TNNI3K: variants seen among roughly 807,000 people sequenced by gnomAD.
TNNI3K encodes the protein TNNI3 interacting kinase, also known as serine/threonine-protein kinase TNNI3K.
TNNI3K carries 140 observed loss-of-function variants against 114.5 expected under a neutral mutation model. The observed-to-expected ratio is 1.22, with a 90% CI of 1.07 to 1.41. The LOEUF (loss-of-function observed/expected upper bound fraction) is 1.41, where lower values mean the gene tolerates loss of function less well. Ranked by LOEUF, TNNI3K falls within the 40% of genes most tolerant of loss-of-function variation. The pLI, the probability that TNNI3K is intolerant of heterozygous loss-of-function variation, is 0.00. For missense variants in TNNI3K, 1,125 were observed against 1,007.6 expected (o/e 1.12, Z -1.58); for synonymous variants, 347 against 347.5 (o/e 1.00, Z 0.02).
intron 4 of TNNI3K, among the ~76,000 whole-genome samples, chr1:74,253,458 G>C (rs557539218): frequency 6.6e-6 from 1 of 152,172 alleles, no homozygotes; most frequent in East Asian, 1.9e-4. Flanking sequence ...GCTCAGGCAT[G>C]GCGGGCTGCA....
intron 5 of TNNI3K, among the ~76,000 whole-genome samples, chr1:74,272,083 T>G (rs759787467): frequency 1.3e-5 from 2 of 151,962 alleles, no homozygotes; most frequent in Non-Finnish European, 2.9e-5. Flanking sequence ...ATAATTTATA[T>G]AAATCACTTT....
chr1:74,362,968 A>G (rs1662049708), intron 11 of TNNI3K, among the ~76,000 whole-genome samples: 1 of 152,144 alleles, frequency 6.6e-6, no homozygotes, highest in Non-Finnish European at 1.5e-5. Context: ...TTAGAGTTGC[A>G]TTAGGCTAAT....
chr1:74,505,119 A>T (rs1669827716), intron 23 of TNNI3K, among the ~76,000 whole-genome samples: 1 of 152,036 alleles, frequency 6.6e-6, no homozygotes, highest in South Asian at 2.1e-4. Flanking sequence ...GCCCGGGCCC[A>T]CTCTTAAGCA....
At position 74,369,390 on chromosome 1, in the gene TNNI3K, G is replaced by A. The variant is rs753473031; in HGVS notation, c.1473-1G>A. ...AGATTTTCTGTTGCTGCCATTTCCA[G>A]TTATCGAGCCAATACCTACTGCTCC... On this transcript the variant is annotated splice_acceptor_variant, in intron 15 of 24. Coordinates refer to ENST00000326637, the MANE Select transcript of TNNI3K (RefSeq NM_015978.3). LOFTEE classifies it high-confidence loss of function. 6.2e-7 allele frequency: 1 copy of A among 1,607,366 alleles called. No individual in the cohort carries two copies. Among genetic ancestry groups the A allele is most frequent in the Non-Finnish European group, 8.5e-7 (1 of 1,176,780 alleles).
At position 74,473,493 on chromosome 1, in the gene TNNI3K, G is replaced by A. The variant is rs145148647; in HGVS notation, c.2121+9943G>A. Among the ~76,000 whole-genome samples the A allele has an allele frequency of 5.5e-3, 824 of 150,904 alleles. 8 individuals are homozygous for A. Among genetic ancestry groups the A allele is most frequent in the African/African-American group, 0.019 (792 of 41,110 alleles). ...ATCTTAACTGCAAAACATCTTAACC[G>A]CAAAAAATCCTAACAGCACTATTGC... On this transcript the variant is annotated intron_variant, in intron 21 of 24. Transcript: ENST00000326637.
intron 21 of TNNI3K, among the ~76,000 whole-genome samples, chr1:74,487,717 G>A (rs1322569571): frequency 6.6e-6 from 1 of 152,152 alleles, no homozygotes; most frequent in Non-Finnish European, 1.5e-5. Context: ...TGGGTAGGTA[G>A]GTAGAAAGAA....
chr1:74,281,334 A>ATGTGTGTGTG (rs149830701), intron 5 of TNNI3K, among the ~76,000 whole-genome samples: 23,996 of 147,872 alleles, frequency 0.16, 2,052 homozygotes, highest in South Asian at 0.25. Context: ...ACAATAATAG[A>ATGTGTGTGTG]TGTGTGTGTG....
intron 17 of TNNI3K, among the ~76,000 whole-genome samples, chr1:74,416,032 G>A (rs1665100588): frequency 6.6e-6 from 1 of 152,126 alleles, no homozygotes; most frequent in Non-Finnish European, 1.5e-5. Flanking sequence ...CCCAGTCTGA[G>A]ACTGATCCCA....
At chr1:74,412,925 A>G (rs1306810587) in intron 17 of TNNI3K, among the ~76,000 whole-genome samples, 1 of 152,126 alleles carries the variant, frequency 6.6e-6, no homozygotes, top group African/African-American at 2.4e-5. Context: ...ATCACATTCA[A>G]TCTTAATCCC....
intron 4 of TNNI3K, among the ~76,000 whole-genome samples, chr1:74,253,664 C>G (rs1655096185): frequency 6.6e-6 from 1 of 152,124 alleles, no homozygotes; most frequent in Admixed American, 6.5e-5. Context: ...CACGCCCACG[C>G]CCACCCAGAA....
In TNNI3K at chr1:74,354,129, G is replaced by A; in HGVS notation, c.1177G>A (p.Gly393Arg). 6.2e-7 allele frequency: 1 copy of A among 1,613,780 alleles called. No homozygotes were observed. Residue 393 changes from glycine (G) to arginine (R), a missense_variant and splice_region_variant, in exon 11 of 25, where the codon GGG becomes AGG. Coordinates refer to ENST00000326637, the MANE Select transcript of TNNI3K (RefSeq NM_015978.3). ...ATGTTTGATGTGGGCTTATGAAAAA[G>A]GTATATTTTTAATCATCGTGTCTCT... ...QTCLMWAYEK[G>R]HDAIVTLLKH...
intron 17 of TNNI3K, among the ~76,000 whole-genome samples, chr1:74,409,084 A>C (rs923426487): frequency 2.6e-5 from 4 of 152,186 alleles, no homozygotes; most frequent in Non-Finnish European, 5.9e-5. Context: ...GCAATTTATA[A>C]ATACTTTTCT....
chr1:74,440,169 A>T (rs1666313874), intron 20 of TNNI3K, among the ~76,000 whole-genome samples: 1 of 152,074 alleles, frequency 6.6e-6, no homozygotes, highest in Non-Finnish European at 1.5e-5. Context: ...GATACACATT[A>T]TGCTTTGCTC....
intron 21 of TNNI3K, chr1:74,475,569 A>G: frequency 2.8e-6 from 2 of 717,228 alleles, no homozygotes; most frequent in Non-Finnish European, 5.2e-6. Flanking sequence ...CTTGATGGCT[A>G]TTTTCCTGTA....
chr1:74,256,864 TAA>T (rs942813149), intron 4 of TNNI3K, among the ~76,000 whole-genome samples: 2 of 152,134 alleles, frequency 1.3e-5, no homozygotes, highest in African/African-American at 4.8e-5. Context: ...AAGAAATTAA[TAA>T]GAGAGAAAAT....
chr1:74,537,192 A>C (rs1557635303), intron 23 of TNNI3K, among the ~76,000 whole-genome samples: 1 of 152,212 alleles, frequency 6.6e-6, no homozygotes, highest in Admixed American at 6.5e-5. Flanking sequence ...TTGGTGATAA[A>C]ATATTTATTT....
chr1:74,354,004 G>T lies in TNNI3K; in HGVS notation c.1052G>T (p.Gly351Val), dbSNP rs1270943695. Reference sequence around the variant, plus strand: ...GGATTACACTCTGCTTGCTACCACGGTCACATTCGCCTGGTTCAGTTCTTA... The same window carrying T: ...GGATTACACTCTGCTTGCTACCACGTTCACATTCGCCTGGTTCAGTTCTTA... ...HTGLHSACYH[G>V]HIRLVQFLLD... The change falls in exon 11 of 25, where the codon GGT becomes GTT. Residue 351 changes from glycine to valine, a missense_variant. By Grantham distance (109) the Gly-to-Val change is moderately radical. Transcript: ENST00000326637. 1.7e-5 allele frequency: 28 copies of T among 1,613,630 alleles called. No individual in the cohort carries two copies. The highest frequency in any genetic ancestry group is 2.7e-5 in the African/African-American group (2 of 74,942).
chr1:74,525,027 A>G (rs1646485256), intron 23 of TNNI3K, among the ~76,000 whole-genome samples: 1 of 152,224 alleles, frequency 6.6e-6, no homozygotes, highest in Admixed American at 6.5e-5. Flanking sequence ...AGCATGGGCT[A>G]TGAGCTGGAC....
At chr1:74,529,190 A>C (rs1646547696) in intron 23 of TNNI3K, among the ~76,000 whole-genome samples, 1 of 152,218 alleles carries the variant, frequency 6.6e-6, no homozygotes, top group African/African-American at 2.4e-5. Flanking sequence ...AGAGAAAAAG[A>C]GTAATTTTAT....
Sources: allele counts gnomAD v4.1 joint callset (sites outside exome capture counted in the v4.1 genomes callset), GRCh38; gene constraint gnomAD v4.1.1; transcripts MANE v1.5; gene names NCBI Gene and HGNC (gene_info 2026-07-23, HGNC 2026-07-21).